The following SCN1A variants were observed in gnomAD, a reference collection of about 807,000 sequenced individuals.
SCN1A encodes sodium channel protein type 1 subunit alpha.
In SCN1A, 13 loss-of-function variants were observed where a neutral mutation model predicts 193.7. That is an observed-to-expected ratio of 0.07 (90% CI 0.04 to 0.11). SCN1A has a LOEUF of 0.11. Among genes scored for constraint, SCN1A ranks in the 10% least tolerant of loss-of-function variants. SCN1A has a pLI of 1.00. For synonymous variants in SCN1A, 781 were observed against 843.6 expected (o/e 0.93, Z 1.29); for missense variants, 1,432 against 2,451.1 (o/e 0.58, Z 8.78).
At chr2:166,100,492 C>T (rs1431620694) in intron 2 of SCN1A, among the ~76,000 whole-genome samples, 1 of 151,712 alleles carries the variant, frequency 6.6e-6, no homozygotes, top group Non-Finnish European at 1.5e-5. Context: ...GCAATGGCAA[C>T]AAAAGACAAA....
At chr2:166,086,962 G>C (rs928716184) in intron 2 of SCN1A, among the ~76,000 whole-genome samples, 2 of 152,060 alleles carry the variant, frequency 1.3e-5, no homozygotes, top group African/African-American at 4.8e-5. Flanking sequence ...GTCTATTTCT[G>C]TCTAGGTGTA....
chr2:166,038,935 A>ATG (rs1047815467), intron 17 of SCN1A, among the ~76,000 whole-genome samples: 15 of 152,318 alleles, frequency 9.8e-5, no homozygotes, highest in Admixed American at 2.0e-4. Flanking sequence ...GTAAGGATAT[A>ATG]TGTGTGAATT....
intron 19 of SCN1A, among the ~76,000 whole-genome samples, chr2:166,020,301 A>C (rs1212375231): frequency 1.3e-5 from 2 of 151,912 alleles, no homozygotes; most frequent in African/African-American, 4.8e-5. Context: ...TCTTATTTAA[A>C]CCCCTTTCAA....
intron 2 of SCN1A, among the ~76,000 whole-genome samples, chr2:166,101,793 T>C (rs905430072): frequency 2.0e-5 from 3 of 151,998 alleles, no homozygotes; most frequent in African/African-American, 2.4e-5. Flanking sequence ...AACTAAGAAA[T>C]ACCTCGATTA....
At chr2:165,995,891 T>A in intron 27 of SCN1A, 122 bp downstream of exon 27, 1 of 693,884 alleles carries the variant, frequency 1.4e-6, no homozygotes, top group Non-Finnish European at 2.6e-6. Flanking sequence ...CACTTTTAGA[T>A]GATGCTCTAC....
At chr2:166,019,941 C>T (rs1371194334) in intron 19 of SCN1A, among the ~76,000 whole-genome samples, 1 of 144,272 alleles carries the variant, frequency 6.9e-6, no homozygotes, top group African/African-American at 2.6e-5. Flanking sequence ...GACAGAGTCT[C>T]GCTCTGTCGT....
intron 4 of SCN1A, among the ~76,000 whole-genome samples, chr2:166,072,789 T>TTTCCTTCCTTCCTTCCTTCCTTCTTTCC (rs1684565079): frequency 3.5e-5 from 5 of 144,482 alleles, no homozygotes; most frequent in African/African-American, 1.3e-4. Flanking sequence ...TGCCTCTTTC[T>TTTCCTTCCTTCCTTCCTTCCTTCTTTCC]TTCCTTCCTT....
intron 2 of SCN1A, among the ~76,000 whole-genome samples, chr2:166,125,565 AC>A (rs1266372101): frequency 1.3e-5 from 2 of 152,036 alleles, no homozygotes; most frequent in Non-Finnish European, 2.9e-5. Flanking sequence ...TCTTGTGTTT[AC>A]CCTCTCTGAT....
chr2:166,039,783 C>T (rs190410821), intron 16 of SCN1A, among the ~76,000 whole-genome samples, 187 bp from the exon 17 acceptor site: 72 of 152,038 alleles, frequency 4.7e-4, no homozygotes, highest in African/African-American at 1.6e-3. Flanking sequence ...CTTGTGGAAA[C>T]GCGAAGTAGA....
chr2:166,113,213 A>G (rs760922147), intron 2 of SCN1A, among the ~76,000 whole-genome samples: 20 of 151,010 alleles, frequency 1.3e-4, no homozygotes, highest in Admixed American at 6.6e-5. Flanking sequence ...TGAGGGAAAA[A>G]CAGAAACAAA....
At chr2:166,029,509 A>G (rs993945999) in intron 19 of SCN1A, among the ~76,000 whole-genome samples, 3 of 152,150 alleles carry the variant, frequency 2.0e-5, no homozygotes, top group Non-Finnish European at 2.9e-5. Context: ...CTTAGAGACT[A>G]TGTGCTTAGG....
rs999609701 is a variant in SCN1A at position 165,990,365 on chromosome 2, G to C, written c.*880C>G. ...AGGAAAAAGCAGAAATTTATAAAGA[G>C]TAATTTTGGTCAATTCAGTCTTCTG... On this transcript the variant is annotated 3_prime_UTR_variant, in exon 29 of 29. Coordinates refer to ENST00000674923, the MANE Select transcript of SCN1A (RefSeq NM_001165963.4). The C allele has an allele frequency of 3.3e-5, 5 of 152,426 alleles. No individual in the cohort carries two copies. Among genetic ancestry groups the C allele is most frequent in the African/African-American group, 1.2e-4 (5 of 41,416 alleles). The allele number at this position is 152,426 out of a possible 1,614,324, so 9.4% of individuals were successfully genotyped here. A position where few individuals can be genotyped will look rare whatever the true frequency, so the allele number is the denominator to read the frequency against.
At chr2:166,098,319 A>C (rs1404832500) in intron 2 of SCN1A, among the ~76,000 whole-genome samples, 1 of 152,182 alleles carries the variant, frequency 6.6e-6, no homozygotes, top group Admixed American at 6.5e-5. Context: ...ATAAAATTCA[A>C]CATCTCTTCA....
intron 2 of SCN1A, among the ~76,000 whole-genome samples, chr2:166,090,029 C>CTTTTTTTTTTTTTTTTTT (rs545740675): frequency 4.2e-5 from 3 of 71,382 alleles, no homozygotes; most frequent in African/African-American, 5.3e-5. Context: ...TCCTTCTTTC[C>CTTTTTTTTTTTTTTTTTT]TTTTTTTTTT....
chr2:166,003,414 A>G (rs76625419), intron 23 of SCN1A, among the ~76,000 whole-genome samples: 4,108 of 151,760 alleles, frequency 0.027, 215 homozygotes, highest in African/African-American at 0.095. Flanking sequence ...CTTATTTCAA[A>G]TGAAACATAA....
chr2:166,099,713 C>G (rs2106132142), intron 2 of SCN1A, among the ~76,000 whole-genome samples: 1 of 21,856 alleles, frequency 4.6e-5, no homozygotes, highest in Middle Eastern at 0.01. Context: ...TCTTATACAC[C>G]AACAACAGAC....
intron 19 of SCN1A, among the ~76,000 whole-genome samples, chr2:166,034,054 A>T (rs1696004920): frequency 6.6e-6 from 1 of 152,216 alleles, no homozygotes; most frequent in Non-Finnish European, 1.5e-5. Flanking sequence ...CTGAACTGAC[A>T]TAATATCCAA....
At chr2:166,086,222 C>G (rs1159247107) in intron 2 of SCN1A, among the ~76,000 whole-genome samples, 2 of 152,008 alleles carry the variant, frequency 1.3e-5, no homozygotes, top group Non-Finnish European at 2.9e-5. Context: ...AAACAGAAAT[C>G]AGCCCTTTCA....
In SCN1A at chr2:165,998,180, C is replaced by G. The variant is rs1057522587; in HGVS notation, c.4339-5G>C. ...ATACTTAGGCTGGAGTTCCACCTAC[C>G]AAAGGGGAATATTTTGTAAAATATT... On this transcript the variant is annotated splice_polypyrimidine_tract_variant and splice_region_variant and intron_variant, in intron 25 of 28. Transcript: ENST00000674923. 3 of 1,599,980 alleles carry G rather than the reference C, an allele frequency of 1.9e-6. No individual in the cohort carries two copies. Among genetic ancestry groups the G allele is most frequent in the Admixed American group, 1.7e-5 (1 of 59,464 alleles).
Sources: gnomAD v4.1 joint callset for allele counts (sites outside exome capture counted in the v4.1 genomes callset) on GRCh38, gnomAD v4.1.1 for gene constraint, MANE v1.5 for transcripts, NCBI Gene and HGNC (gene_info 2026-07-23, HGNC 2026-07-21) for gene names.